The following SENP6 variants were observed in gnomAD, a reference collection of about 807,000 sequenced individuals.
SENP6 encodes SUMO specific peptidase 6.
SENP6 carries 41 observed loss-of-function variants against 134.5 expected under a neutral mutation model. That is an observed-to-expected ratio of 0.30 (90% CI 0.24 to 0.40). The LOEUF is 0.40. Among genes scored for constraint, SENP6 ranks in the 10% least tolerant of loss-of-function variants. The probability of loss-of-function intolerance (pLI) is 1.00; values close to 1 mark genes in which losing one functional copy is unlikely to be tolerated. For synonymous variants in SENP6, 395 were observed against 429.8 expected, an observed-to-expected ratio of 0.92 and a Z score of 1.00; for missense variants, 1,248 against 1,312.5, an observed-to-expected ratio of 0.95 and a Z score of 0.76.
At chr6:75,629,508 C>G (rs771575017) in intron 3 of SENP6, among the ~76,000 whole-genome samples, 1 of 152,080 alleles carries the variant, frequency 6.6e-6, no homozygotes. Flanking sequence ...CCATGGTGGC[C>G]AGGCTGGTCT....
chr6:75,687,697 T>C (rs1439021878), intron 16 of SENP6, among the ~76,000 whole-genome samples: 1 of 152,200 alleles, frequency 6.6e-6, no homozygotes, highest in Admixed American at 6.5e-5. Context: ...TTTTGGAGTT[T>C]GCTGGAGTTC....
At chr6:75,701,828 C>CG (rs1352907619) in intron 18 of SENP6, among the ~76,000 whole-genome samples, 1 of 151,824 alleles carries the variant, frequency 6.6e-6, no homozygotes, top group Non-Finnish European at 1.5e-5. Context: ...TTAGTAGAGA[C>CG]GGGGTTTCAC....
chr6:75,677,239 GA>G lies in SENP6; in HGVS notation c.1835del (p.Asn612ThrfsTer40). ...ESIKGSCGQK[E>X]NKIKTVSFES... is the part of the protein sequence containing the mutation. ...CATCAAAGGAAGTTGTGGGCAAAAG[GA>G]AAACAAAATTAAAACTGTAATTATG... On this transcript the variant is annotated frameshift_variant, in exon 14 of 24. Coordinates refer to ENST00000447266, the MANE Select transcript of SENP6 (RefSeq NM_015571.4). LOFTEE classifies it high-confidence loss of function. 1 of 1,582,896 alleles carries G rather than the reference GA, an allele frequency of 6.3e-7. No homozygotes were observed. Among genetic ancestry groups the G allele is most frequent in the Non-Finnish European group, 8.6e-7 (1 of 1,166,142 alleles).
chr6:75,662,082 C>T (rs1771822605), intron 8 of SENP6, among the ~76,000 whole-genome samples: 1 of 151,154 alleles, frequency 6.6e-6, no homozygotes, highest in Admixed American at 6.6e-5. Flanking sequence ...ATAAATAAAA[C>T]AAGATCTGTG....
intron 18 of SENP6, among the ~76,000 whole-genome samples, chr6:75,702,127 G>A (rs9343317): frequency 0.31 from 46,918 of 151,234 alleles, 7,925 homozygotes; most frequent in African/African-American, 0.45. Context: ...AATACAAACT[G>A]TGTTATTTTT....
intron 2 of SENP6, among the ~76,000 whole-genome samples, chr6:75,623,139 A>G (rs1271300693): frequency 6.6e-6 from 1 of 152,160 alleles, no homozygotes; most frequent in Non-Finnish European, 1.5e-5. Context: ...AGGACTTTAC[A>G]ATAAATAGCT....
chr6:75,666,139 G>C (rs1358420117), intron 9 of SENP6, among the ~76,000 whole-genome samples: 1 of 119,332 alleles, frequency 8.4e-6, no homozygotes, highest in Non-Finnish European at 1.8e-5. Context: ...ACGTATATAT[G>C]ATATATATAA....
intron 1 of SENP6, among the ~76,000 whole-genome samples, chr6:75,614,046 C>T (rs1425608934): frequency 2.0e-5 from 3 of 152,112 alleles, no homozygotes; most frequent in African/African-American, 7.2e-5. Context: ...GTAGTTTAAT[C>T]CCAATTTGCG....
chr6:75,701,121 A>G (rs1242047884), intron 18 of SENP6, among the ~76,000 whole-genome samples: 1 of 152,236 alleles, frequency 6.6e-6, no homozygotes, highest in Non-Finnish European at 1.5e-5. Flanking sequence ...AAAATGAGAA[A>G]GTGGAATAAT....
chr6:75,667,753 C>T (rs1772358821), intron 10 of SENP6, among the ~76,000 whole-genome samples: 1 of 152,150 alleles, frequency 6.6e-6, no homozygotes, highest in Non-Finnish European at 1.5e-5. Context: ...GTACGTAAGG[C>T]TTTATATGCA....
chr6:75,670,807 A>G, intron 11 of SENP6, 87 bp downstream of exon 11: 1 of 627,828 alleles, frequency 1.6e-6, no homozygotes, highest in Non-Finnish European at 2.2e-6. Context: ...TAAAATTTAT[A>G]AGTTAAAATA....
chr6:75,603,932 A>G (rs751406525), intron 1 of SENP6, among the ~76,000 whole-genome samples: 2 of 152,134 alleles, frequency 1.3e-5, no homozygotes, highest in Non-Finnish European at 1.5e-5. Flanking sequence ...GTTTCGTATT[A>G]CCTCCATTCC....
At chr6:75,623,448 C>G (rs1165829096) in intron 2 of SENP6, among the ~76,000 whole-genome samples, 1 of 152,034 alleles carries the variant, frequency 6.6e-6, no homozygotes, top group Non-Finnish European at 1.5e-5. Context: ...ATGGTAATAC[C>G]ACTGGAATTA....
intron 4 of SENP6, among the ~76,000 whole-genome samples, chr6:75,633,992 G>C (rs1769311695): frequency 6.6e-6 from 1 of 152,162 alleles, no homozygotes; most frequent in Admixed American, 6.5e-5. Flanking sequence ...ACATTTAGTA[G>C]AATCTCAGTC....
Position 75,715,439 on chromosome 6 carries a change from C to T in SENP6, c.3184C>T (p.Pro1062Ser). 1 of 1,613,272 alleles carries T rather than the reference C, an allele frequency of 6.2e-7. No homozygotes were observed. Among genetic ancestry groups the T allele is most frequent in the Non-Finnish European group, 8.5e-7 (1 of 1,179,540 alleles). The change falls in exon 24 of 24, where the codon CCA (proline) becomes TCA (serine). Residue 1062 changes from proline to serine, a missense_variant. By Grantham distance (74) the Pro-to-Ser change is moderately conservative. This residue lies in a region of SENP6 where 386 missense variants were observed against 395.0 expected (regional missense o/e 0.98). Coordinates refer to ENST00000447266, the MANE Select transcript of SENP6 (RefSeq NM_015571.4). ...PMNLANWFPP[P>S]RMRTKREEIR... ...GAATTTGGCAAACTGGTTTCCTCCA[C>T]CAAGAATGAGAACAAAAAGAGAAGA...
At chr6:75,669,558 TGTG>T (rs1772510202) in intron 10 of SENP6, among the ~76,000 whole-genome samples, 1 of 152,120 alleles carries the variant, frequency 6.6e-6, no homozygotes, top group Non-Finnish European at 1.5e-5. Context: ...GTTTTATTCT[TGTG>T]ATGATAATAA....
chr6:75,669,939 T>G (rs1431723704), intron 10 of SENP6, among the ~76,000 whole-genome samples: 2 of 6,456 alleles, frequency 3.1e-4, no homozygotes, highest in Non-Finnish European at 1.7e-3. Context: ...CAAGATCAGA[T>G]TTTTTTTTTT....
intron 16 of SENP6, among the ~76,000 whole-genome samples, chr6:75,691,588 T>TTTTTTG (rs532863930): frequency 3.3e-5 from 5 of 150,136 alleles, no homozygotes; most frequent in Non-Finnish European, 7.5e-5. Context: ...TTGTTTTTTG[T>TTTTTTG]TTTTTGTTTT....
At chr6:75,693,385 CAG>C (rs1328624146) in intron 16 of SENP6, among the ~76,000 whole-genome samples, 1 of 132,080 alleles carries the variant, frequency 7.6e-6, no homozygotes, top group Non-Finnish European at 1.6e-5. Context: ...GCCTGGGAGA[CAG>C]AGTGATACTC....
Sources: gnomAD v4.1 joint callset for allele counts (sites outside exome capture counted in the v4.1 genomes callset) on GRCh38, gnomAD v4.1.1 for gene constraint, gnomAD v4.1.1 regional missense constraint, MANE v1.5 for transcripts, NCBI Gene and HGNC (gene_info 2026-07-23, HGNC 2026-07-21) for gene names.